XKR4: variants seen among roughly 807,000 people sequenced by gnomAD.
XKR4 encodes XK related 4.
Under a neutral mutation model 53.9 loss-of-function variants are expected in XKR4, and 12 were observed. That is an observed-to-expected ratio of 0.22 (90% CI 0.14 to 0.36). The LOEUF is 0.36. XKR4 is among the 10% of genes least tolerant of loss of function. The pLI is 1.00. For missense variants in XKR4, 799 were observed against 859.5 expected (o/e 0.93, Z 0.88); for synonymous variants, 354 against 362.4 (o/e 0.98, Z 0.26).
intron 1 of XKR4, among the ~76,000 whole-genome samples, chr8:55,176,892 A>G (rs1817243115): frequency 6.6e-6 from 1 of 152,134 alleles, no homozygotes; most frequent in Admixed American, 6.5e-5. Context: ...TTACACACCA[A>G]TATCTATCTC....
chr8:55,128,719 TTA>T (rs2129352810), intron 1 of XKR4, among the ~76,000 whole-genome samples: 1 of 152,336 alleles, frequency 6.6e-6, no homozygotes, highest in South Asian at 2.1e-4. Context: ...TTTCAGCTCT[TTA>T]TGTTTGACCT....
At chr8:55,421,501 G>A (rs7831274) in intron 2 of XKR4, among the ~76,000 whole-genome samples, 20,845 of 152,040 alleles carry the variant, frequency 0.14, 3,043 homozygotes, top group African/African-American at 0.37. Context: ...ACTAAGAGGA[G>A]ACATCCAGGC....
At chr8:55,348,710 A>T (rs967066307) in intron 1 of XKR4, among the ~76,000 whole-genome samples, 1 of 152,048 alleles carries the variant, frequency 6.6e-6, no homozygotes, top group Admixed American at 6.6e-5. Context: ...ACACACACAC[A>T]CACACACACA....
intron 1 of XKR4, among the ~76,000 whole-genome samples, chr8:55,295,476 T>C (rs1490964151): frequency 1.3e-5 from 2 of 152,208 alleles, no homozygotes; most frequent in East Asian, 3.8e-4. Flanking sequence ...GCACTTACTA[T>C]GTGCTGGTAG....
At chr8:55,435,719 C>A (rs1805166916) in intron 2 of XKR4, among the ~76,000 whole-genome samples, 1 of 151,770 alleles carries the variant, frequency 6.6e-6, no homozygotes, top group African/African-American at 2.4e-5. Context: ...CAGGCATATG[C>A]CACCACACCT....
At chr8:55,493,824 G>T (rs761644229) in intron 2 of XKR4, among the ~76,000 whole-genome samples, 1 of 152,196 alleles carries the variant, frequency 6.6e-6, no homozygotes, top group Non-Finnish European at 1.5e-5. Context: ...TTCAGGAATG[G>T]ATAAAACAAT....
intron 1 of XKR4, among the ~76,000 whole-genome samples, chr8:55,270,542 T>G (rs563756440): frequency 1.4e-4 from 21 of 152,316 alleles, no homozygotes. Context: ...AAGGGCACCA[T>G]GTGTTAACAG....
At position 55,456,130 on chromosome 8, in the gene XKR4, A is replaced by C. The variant is rs139728845; in HGVS notation, c.1007-67151A>C. On this transcript the variant is annotated intron_variant, in intron 2 of 2. Coordinates refer to ENST00000327381, the MANE Select transcript of XKR4 (RefSeq NM_052898.2). ...ATACTCAGGAAAAAAAGGAATCAAT[A>C]GAGATTGACTCAGAGTAGCAGCTGG... Among the ~76,000 whole-genome samples the C allele has an allele frequency of 3.8e-3, 585 of 152,326 alleles. 5 individuals are homozygous for C. The highest frequency in any genetic ancestry group is 6.5e-3 in the Non-Finnish European group (440 of 68,022).
chr8:55,217,545 A>G (rs141759645), intron 1 of XKR4, among the ~76,000 whole-genome samples: 8 of 152,322 alleles, frequency 5.3e-5, no homozygotes, highest in Non-Finnish European at 1.2e-4. Context: ...GACCTAGCCA[A>G]TGCATTCCTG....
At chr8:55,247,779 G>C (rs1259269993) in intron 1 of XKR4, among the ~76,000 whole-genome samples, 3 of 151,316 alleles carry the variant, frequency 2.0e-5, no homozygotes, top group Non-Finnish European at 4.4e-5. Flanking sequence ...GCCCTACTGG[G>C]CTACTCTTTC....
chr8:55,416,554 T>A (rs1804850197), intron 2 of XKR4, among the ~76,000 whole-genome samples: 1 of 152,176 alleles, frequency 6.6e-6, no homozygotes, highest in African/African-American at 2.4e-5. Flanking sequence ...ATCAATATGC[T>A]AAGGTGATCG....
chr8:55,200,402 G>A (rs868368987), intron 1 of XKR4, among the ~76,000 whole-genome samples: 8 of 152,178 alleles, frequency 5.3e-5, no homozygotes, highest in South Asian at 2.1e-4. Context: ...ATAAAACATG[G>A]TGAGGGTAAA....
At chr8:55,503,158 A>AT (rs1279836922) in intron 2 of XKR4, among the ~76,000 whole-genome samples, 1 of 151,618 alleles carries the variant, frequency 6.6e-6, no homozygotes, top group East Asian at 1.9e-4. Context: ...TTTCAAGATT[A>AT]TTTTTGCTTT....
chr8:55,251,495 G>A (rs1211887535), intron 1 of XKR4, among the ~76,000 whole-genome samples: 2 of 152,158 alleles, frequency 1.3e-5, no homozygotes, highest in Non-Finnish European at 2.9e-5. Context: ...AAAGACCATT[G>A]AAAGATAATT....
chr8:55,220,594 T>C (rs1446092377), intron 1 of XKR4, among the ~76,000 whole-genome samples: 1 of 152,218 alleles, frequency 6.6e-6, no homozygotes, highest in African/African-American at 2.4e-5. Flanking sequence ...CCAGTGTGAC[T>C]GAAATGGACT....
Position 55,539,601 on chromosome 8 carries a change from G to A in XKR4, c.*15374G>A, listed in dbSNP as rs963801498. 2 of 152,034 alleles carry A rather than the reference G, an allele frequency of 1.3e-5. No individual in the cohort carries two copies. Among genetic ancestry groups the A allele is most frequent in the Non-Finnish European group, 2.9e-5 (2 of 67,998 alleles). 9.4% of individuals were successfully genotyped at this position (152,034 alleles called of 1,614,324 possible). On this transcript the variant is annotated 3_prime_UTR_variant, in exon 3 of 3. Coordinates refer to ENST00000327381, the MANE Select transcript of XKR4 (RefSeq NM_052898.2). ...ATTCATTTTTTTTAAAGTTTGTGCT[G>A]CCAAACCAGACTGAAGTATTGTTTT...
At chr8:55,310,538 A>G (rs1819374256) in intron 1 of XKR4, among the ~76,000 whole-genome samples, 1 of 152,202 alleles carries the variant, frequency 6.6e-6, no homozygotes. Flanking sequence ...ATTCTTTTCA[A>G]AGTATCTTTT....
Position 55,102,563 on chromosome 8 carries a change from G to C in XKR4, c.75G>C (p.Ser25=). The C allele has an allele frequency of 1.3e-6, 2 of 1,553,684 alleles. No individual in the cohort carries two copies. The highest frequency in any genetic ancestry group is 1.7e-6 in the Non-Finnish European group (2 of 1,147,716). ...SDVAFTPLQN[S]DHSGSVQGLA... ...TGGCGTTCACCCCGCTGCAGAACTC[G>C]GACCACTCGGGCTCGGTGCAGGGAT... Residue 25 remains serine (S), a synonymous_variant, in exon 1 of 3, where the codon TCG becomes TCC. Coordinates refer to ENST00000327381, the MANE Select transcript of XKR4 (RefSeq NM_052898.2). This position sits in a 1 kb window ranked among gnomAD's most constrained non-coding sequence, Gnocchi z 5.1.
In XKR4 at chr8:55,297,777, A is replaced by G. The variant is rs72645632; in HGVS notation, c.807-59901A>G. 8.9e-3 allele frequency among the ~76,000 whole-genome samples: 1,361 copies of G among 152,352 alleles called. 14 individuals carry two copies. The highest frequency in any genetic ancestry group is 0.024 in the Middle Eastern group (7 of 294). On this transcript the variant is annotated intron_variant, in intron 1 of 2. Transcript: ENST00000327381. ...TAAAGGTACTTTACTCCCAGATCCT[A>G]TCAACTGAAGCTTTGGGGAAGATGG... is the stretch of plus-strand genomic sequence containing the variant.
Sources: gnomAD v4.1 joint callset for allele counts (sites outside exome capture counted in the v4.1 genomes callset) on GRCh38, gnomAD v4.1.1 for gene constraint, Gnocchi (gnomAD v3.1) non-coding constraint, MANE v1.5 for transcripts, NCBI Gene and HGNC (gene_info 2026-07-23, HGNC 2026-07-21) for gene names.